The following NXPE2 variants were observed in gnomAD, a reference collection of about 807,000 sequenced individuals.
NXPE2 encodes NXPE family member 2.
Under a neutral mutation model 34.4 loss-of-function variants are expected in NXPE2, and 34 were observed. That is an observed-to-expected ratio of 0.99 (90% CI 0.75 to 1.31). The LOEUF is 1.31. Among genes scored for constraint, NXPE2 ranks in the 40% most tolerant of loss-of-function variants. The pLI is 0.00. For synonymous variants in NXPE2, 235 were observed against 231.3 expected (o/e 1.02, Z -0.15); for missense variants, 649 against 672.5 (o/e 0.97, Z 0.39).
At chr11:114,771,381 G>C in the NXPE2 span, among the ~76,000 whole-genome samples, 1 of 149,302 alleles carries the variant, frequency 6.7e-6, no homozygotes, top group Non-Finnish European at 1.5e-5. Context: ...GCTCATACTA[G>C]ATAAAGGCGA....
intron 1 of NXPE2, 51 bp from the exon 2 acceptor site, chr11:114,679,606 T>A: frequency 1.7e-6 from 2 of 1,143,318 alleles, no homozygotes; most frequent in South Asian, 2.8e-5. Flanking sequence ...TACGGAGCCA[T>A]GTCGTACTTA....
chr11:114,482,653 T>C, the NXPE2 span, among the ~76,000 whole-genome samples: 1 of 152,210 alleles, frequency 6.6e-6, no homozygotes, highest in Admixed American at 6.5e-5. Context: ...CTGCAACTAC[T>C]AAGGTCTTGT....
the NXPE2 span, among the ~76,000 whole-genome samples, chr11:114,555,370 G>A: frequency 1.3e-5 from 2 of 152,106 alleles, no homozygotes; most frequent in African/African-American, 2.4e-5. Flanking sequence ...ACTACAACAG[G>A]TATGTGCCAC....
chr11:114,475,226 G>GTTTTTTTT, the NXPE2 span, among the ~76,000 whole-genome samples: 392 of 87,974 alleles, frequency 4.5e-3, 66 homozygotes, highest in Non-Finnish European at 6.3e-3. Flanking sequence ...AATGTGAACT[G>GTTTTTTTT]TTTTTTTTTT....
the NXPE2 span, among the ~76,000 whole-genome samples, chr11:114,652,022 A>G: frequency 6.6e-6 from 1 of 152,146 alleles, no homozygotes; most frequent in African/African-American, 2.4e-5. Flanking sequence ...CTCAATTGGA[A>G]CTCCAAAGCA....
chr11:114,621,962 A>C, the NXPE2 span, among the ~76,000 whole-genome samples: 1 of 152,118 alleles, frequency 6.6e-6, no homozygotes, highest in Non-Finnish European at 1.5e-5. Context: ...TGTGGATAAT[A>C]AGTATGGCCT....
chr11:114,512,041 A>C, the NXPE2 span, among the ~76,000 whole-genome samples: 1 of 152,210 alleles, frequency 6.6e-6, no homozygotes, highest in Non-Finnish European at 1.5e-5. Context: ...AACAGTTAAA[A>C]TAATTCAAAG....
chr11:114,602,814 C>CA, the NXPE2 span, among the ~76,000 whole-genome samples: 2 of 138,822 alleles, frequency 1.4e-5, no homozygotes, highest in African/African-American at 5.3e-5. Flanking sequence ...ATTACAGAAT[C>CA]ATATATAATA....
At chr11:114,676,486 GGCCAAGAGGTATATGAAAAAAAT>G (rs1194126678), upstream of NXPE2, among the ~76,000 whole-genome samples, 1 of 151,908 alleles carries the variant, frequency 6.6e-6, no homozygotes. Context: ...ACATTCTAAT[GGCCAAGAGGTATATGAAAAAAAT>G]GTCAAGCCTC....
chr11:114,794,034 T>C, the NXPE2 span, among the ~76,000 whole-genome samples: 2 of 152,202 alleles, frequency 1.3e-5, no homozygotes, highest in Non-Finnish European at 2.9e-5. Context: ...TGCTCTGAGA[T>C]ACCTGCCTGT....
At chr11:114,633,006 T>C in the NXPE2 span, among the ~76,000 whole-genome samples, 1 of 106,506 alleles carries the variant, frequency 9.4e-6, no homozygotes, top group Non-Finnish European at 1.7e-5. Context: ...TATAATAATA[T>C]ATATTATATA....
the NXPE2 span, among the ~76,000 whole-genome samples, chr11:114,632,570 T>C: frequency 7.9e-5 from 9 of 113,952 alleles, no homozygotes; most frequent in East Asian, 2.0e-3. Flanking sequence ...TATATTTACA[T>C]ATATCATATA....
the NXPE2 span, among the ~76,000 whole-genome samples, chr11:114,743,929 A>T: frequency 5.8e-4 from 88 of 151,486 alleles, 2 homozygotes; most frequent in Non-Finnish European, 2.9e-4. Context: ...ATATGTATAT[A>T]TAAGTGTATA....
the NXPE2 span, among the ~76,000 whole-genome samples, chr11:114,781,771 T>C: frequency 6.6e-6 from 1 of 152,224 alleles, no homozygotes; most frequent in South Asian, 2.1e-4. Context: ...CCTTCCTCCT[T>C]CACCTCCACC....
chr11:114,686,119 T>C (rs1951042096), intron 2 of NXPE2, among the ~76,000 whole-genome samples: 1 of 152,174 alleles, frequency 6.6e-6, no homozygotes, highest in Non-Finnish European at 1.5e-5. Flanking sequence ...TAAATACTTT[T>C]ATAATTTTTA....
At chr11:114,578,715 A>AG in the NXPE2 span, among the ~76,000 whole-genome samples, 1 of 152,158 alleles carries the variant, frequency 6.6e-6, no homozygotes, top group African/African-American at 2.4e-5. Context: ...GGGGTCATAG[A>AG]GGGGTAGACA....
the NXPE2 span, among the ~76,000 whole-genome samples, chr11:114,763,943 G>A: frequency 0.027 from 4,073 of 151,282 alleles, 80 homozygotes; most frequent in Non-Finnish European, 0.043. Flanking sequence ...TCATTTTTTC[G>A]TTTGATGCTA....
the NXPE2 span, among the ~76,000 whole-genome samples, chr11:114,602,818 TATA>T: frequency 7.5e-5 from 11 of 146,580 alleles, no homozygotes; most frequent in East Asian, 1.4e-3. Flanking sequence ...CAGAATCATA[TATA>T]ATAATTATCT....
chr11:114,807,271 A>G, the NXPE2 span, among the ~76,000 whole-genome samples: 4 of 152,176 alleles, frequency 2.6e-5, no homozygotes, highest in African/African-American at 9.7e-5. Flanking sequence ...GGCTAGGAAG[A>G]AACTGCATCA....
Sources: gnomAD v4.1 joint callset for allele counts (sites outside exome capture counted in the v4.1 genomes callset) on GRCh38, gnomAD v4.1.1 for gene constraint, MANE v1.5 for transcripts, NCBI Gene and HGNC (gene_info 2026-07-23, HGNC 2026-07-21) for gene names.